GPHN: variants seen among roughly 807,000 people sequenced by gnomAD.
GPHN encodes gephyrin.
A neutral mutation model predicts 95.5 loss-of-function variants in GPHN; 17 were observed. That is an observed-to-expected ratio of 0.18 (90% CI 0.12 to 0.27). The LOEUF (loss-of-function observed/expected upper bound fraction) is 0.27, where lower values mean the gene tolerates loss of function less well. GPHN is among the 10% of genes least tolerant of loss of function. The probability of loss-of-function intolerance (pLI) is 1.00; values close to 1 mark genes in which losing one functional copy is unlikely to be tolerated. For synonymous variants in GPHN, 320 were observed against 322.5 expected (o/e 0.99, Z 0.08); for missense variants, 660 against 978.1 (o/e 0.67, Z 4.34).
chr14:66,846,175 C>T (rs1427883340), intron 4 of GPHN, among the ~76,000 whole-genome samples: 2 of 152,122 alleles, frequency 1.3e-5, no homozygotes, highest in Admixed American at 6.6e-5. Flanking sequence ...TTTTTATACA[C>T]TCTATCCATC....
chr14:67,224,735 A>G, the GPHN span: 1 of 268,004 alleles, frequency 3.7e-6, no homozygotes, highest in Non-Finnish European at 7.3e-6. Flanking sequence ...AAGAGAAAGA[A>G]AAATCACATA....
chr14:67,260,195 T>A, the GPHN span, among the ~76,000 whole-genome samples: 1 of 152,222 alleles, frequency 6.6e-6, no homozygotes, highest in Non-Finnish European at 1.5e-5. Flanking sequence ...TTGATTTAAC[T>A]GTATTCGTAA....
At chr14:67,702,155 G>T in the GPHN span, among the ~76,000 whole-genome samples, 8 of 151,838 alleles carry the variant, frequency 5.3e-5, no homozygotes, top group Admixed American at 5.2e-4. Context: ...TTTAAATGGA[G>T]ATGAGATCTC....
At chr14:66,985,661 A>T in intron 9 of GPHN, 1 of 1,496,074 alleles carries the variant, frequency 6.7e-7, no homozygotes, top group Non-Finnish European at 9.0e-7. Flanking sequence ...TGTCTTTCTT[A>T]CCCATCTTCC....
intron 1 of GPHN, among the ~76,000 whole-genome samples, chr14:66,544,260 C>G (rs950686968): frequency 1.3e-5 from 2 of 152,196 alleles, no homozygotes; most frequent in Non-Finnish European, 2.9e-5. Context: ...GTCACCTTCT[C>G]AAACGACTGT....
chr14:66,707,741 A>G (rs1032374266), intron 2 of GPHN, among the ~76,000 whole-genome samples: 4 of 151,978 alleles, frequency 2.6e-5, no homozygotes, highest in African/African-American at 4.8e-5. Context: ...ATGTATACCT[A>G]TGTAACAAAT....
intron 5 of GPHN, among the ~76,000 whole-genome samples, chr14:66,894,005 A>G (rs1333629555): frequency 6.6e-6 from 1 of 152,184 alleles, no homozygotes; most frequent in Non-Finnish European, 1.5e-5. Flanking sequence ...CAGAATTGGA[A>G]AAAACTACTT....
intron 1 of GPHN, among the ~76,000 whole-genome samples, chr14:66,554,666 T>C (rs1307604225): frequency 6.6e-6 from 1 of 152,186 alleles, no homozygotes. Context: ...ACCCGGGGAT[T>C]ACAATTCAAG....
intron 1 of GPHN, chr14:66,509,476 C>T (rs1444066954): frequency 1.3e-5 from 2 of 152,208 alleles, no homozygotes; most frequent in African/African-American, 2.4e-5. Context: ...TGTCTGATTC[C>T]GTTGCGCTGA....
the GPHN span, among the ~76,000 whole-genome samples, chr14:67,510,974 C>G: frequency 7.9e-5 from 12 of 152,278 alleles, no homozygotes; most frequent in African/African-American, 2.9e-4. Context: ...AATCACCCCT[C>G]AGAAGTCTAG....
the GPHN span, chr14:67,312,472 T>C: frequency 7.8e-7 from 1 of 1,275,900 alleles, no homozygotes; most frequent in Admixed American, 2.5e-5. Flanking sequence ...ATTGTATTCA[T>C]ATGAAACATT....
chr14:67,057,547 G>A lies in GPHN; in HGVS notation c.1007-1102G>A, dbSNP rs1021144995. The stretch of plus-strand genomic sequence containing the variant: ...ACCACCATGGCACAAGTTTACCTAT[G>A]TAACAAACCTGCACATCCTGCACAT... On this transcript the variant is annotated intron_variant, in intron 10 of 22. Coordinates refer to ENST00000478722, the MANE Select transcript of GPHN (RefSeq NM_020806.5). 2.0e-5 allele frequency among the ~76,000 whole-genome samples: 3 copies of A among 152,066 alleles called. No individual in the cohort carries two copies. The East Asian group carries it at 5.8e-4, about 29-fold the overall frequency.
chr14:66,936,855 T>G, intron 8 of GPHN, among the ~76,000 whole-genome samples: 1 of 152,224 alleles, frequency 6.6e-6, no homozygotes, highest in East Asian at 1.9e-4. Context: ...GGACTAAACT[T>G]ATTTGCATTT....
intron 17 of GPHN, among the ~76,000 whole-genome samples, chr14:67,134,953 C>CTTCTTTTTTTTTTTTTTTTTTTT (rs573340363): frequency 8.8e-5 from 4 of 45,254 alleles, no homozygotes; most frequent in Non-Finnish European, 1.3e-4. Context: ...TTTCTTTCTT[C>CTTCTTTTTTTTTTTTTTTTTTTT]TTTTTTTTTT....
the GPHN span, chr14:67,642,177 T>G: frequency 6.2e-7 from 1 of 1,612,580 alleles, no homozygotes; most frequent in East Asian, 2.2e-5. Flanking sequence ...ATCCCTCATT[T>G]GCTTCCAGGC....
chr14:66,930,971 A>G (rs899483339), intron 8 of GPHN, among the ~76,000 whole-genome samples: 5 of 151,966 alleles, frequency 3.3e-5, no homozygotes, highest in African/African-American at 1.2e-4. Flanking sequence ...ATGATTTCTT[A>G]TTTCTCTTTA....
At chr14:66,709,218 T>C (rs996346518) in intron 2 of GPHN, 2 of 344,640 alleles carry the variant, frequency 5.8e-6, no homozygotes, top group African/African-American at 4.2e-5. Context: ...TTAGCAGCCT[T>C]TTCTAAACAA....
intron 10 of GPHN, among the ~76,000 whole-genome samples, chr14:67,044,643 TTTG>T (rs901970008): frequency 2.9e-4 from 44 of 152,214 alleles, no homozygotes; most frequent in African/African-American, 7.9e-4. Flanking sequence ...TGCTGCTGCT[TTTG>T]TTGTTGTTGT....
At chr14:66,592,205 A>G (rs879037917) in intron 1 of GPHN, among the ~76,000 whole-genome samples, 13 of 152,232 alleles carry the variant, frequency 8.5e-5, no homozygotes, top group Non-Finnish European at 1.5e-4. Context: ...AAACTCTAGA[A>G]GAAAACCTAG....
Sources: allele counts gnomAD v4.1 joint callset (sites outside exome capture counted in the v4.1 genomes callset), GRCh38; gene constraint gnomAD v4.1.1; transcripts MANE v1.5; gene names NCBI Gene and HGNC (gene_info 2026-07-23, HGNC 2026-07-21).